The following EEA1 variants were observed in gnomAD, a reference collection of about 807,000 sequenced individuals.
EEA1 encodes early endosome antigen 1, 162kD.
In EEA1, 111 loss-of-function variants were observed where a neutral mutation model predicts 209.2. The observed-to-expected ratio is 0.53, with a 90% CI of 0.45 to 0.62. The LOEUF is 0.62. EEA1 is among the 20% of genes least tolerant of loss of function. EEA1 has a pLI of 0.00. For missense variants in EEA1, 1,343 were observed against 1,530.8 expected, an observed-to-expected ratio of 0.88 and a Z score of 2.05; for synonymous variants, 536 against 540.6, an observed-to-expected ratio of 0.99 and a Z score of 0.12.
In EEA1 at chr12:92,825,853, AATAG is replaced by A. The variant is rs1459465597; in HGVS notation, c.1524+309_1524+312del. 2.7e-5 allele frequency among the ~76,000 whole-genome samples: 4 copies of A among 150,126 alleles called. No individual in the cohort carries two copies. In the South Asian group the frequency reaches 6.3e-4, roughly 23 times the overall value. ...TAAATGTATTTAACTAAACTGATTTAATAGATAAATCTAATAAATTTAAGTAAAT... is the reference window on the plus strand; with the variant it reads ...TAAATGTATTTAACTAAACTGATTTAATAAATCTAATAAATTTAAGTAAAT... On this transcript the variant is annotated intron_variant, in intron 13 of 28. Coordinates refer to ENST00000322349, the MANE Select transcript of EEA1 (RefSeq NM_003566.4).
In EEA1 at chr12:92,816,387, G is replaced by A. The variant is rs779818990; in HGVS notation, c.1742C>T (p.Thr581Ile). Residue 581 changes from threonine (T) to isoleucine (I), a missense_variant, in exon 15 of 29, where the codon ACA (threonine) becomes ATA (isoleucine). Thr to Ile is a moderately conservative substitution (Grantham distance 89). Coordinates refer to ENST00000322349, the MANE Select transcript of EEA1 (RefSeq NM_003566.4). ...TTCTGACTGATTCTTCAGCTTCTCT[G>A]TTAGTTGAGTTACCTGTTATACAAG... ...HTLQEQVTQL[T>I]EKLKNQSESH... is the part of the protein sequence containing the mutation. 6 of 1,613,550 alleles carry A rather than the reference G, an allele frequency of 3.7e-6. No homozygotes were observed. In the African/African-American group the frequency reaches 8.0e-5, roughly 22 times the overall value.
intron 2 of EEA1, among the ~76,000 whole-genome samples, chr12:92,872,047 A>ATTTTTTT (rs56671465): frequency 7.5e-6 from 1 of 132,594 alleles, no homozygotes; most frequent in Admixed American, 8.0e-5. Flanking sequence ...GGCCCAGCTA[A>ATTTTTTT]TTTTTTTTTT....
chr12:92,793,883 T>C (rs1373659149), intron 21 of EEA1, among the ~76,000 whole-genome samples: 1 of 151,664 alleles, frequency 6.6e-6, no homozygotes, highest in African/African-American at 2.4e-5. Flanking sequence ...ACAAATGGGA[T>C]CTAATTAAAC....
At chr12:92,854,401 T>C (rs140960223) in intron 5 of EEA1, among the ~76,000 whole-genome samples, 390 of 152,310 alleles carry the variant, frequency 2.6e-3, no homozygotes, top group Non-Finnish European at 4.4e-3. Context: ...TCATAAGAAC[T>C]TGGAGTGTTA....
chr12:92,875,516 A>G (rs1878844758), intron 2 of EEA1, among the ~76,000 whole-genome samples: 1 of 152,120 alleles, frequency 6.6e-6, no homozygotes. Flanking sequence ...CCAGAATCTC[A>G]GCACCTCTAC....
intron 1 of EEA1, among the ~76,000 whole-genome samples, chr12:92,914,404 G>A (rs1415732118): frequency 6.6e-6 from 1 of 152,124 alleles, no homozygotes; most frequent in Non-Finnish European, 1.5e-5. Flanking sequence ...GTGAAGTCAG[G>A]TAATCTGATG....
intron 2 of EEA1, among the ~76,000 whole-genome samples, chr12:92,866,610 G>A (rs768348749): frequency 6.6e-6 from 1 of 151,400 alleles, no homozygotes; most frequent in Non-Finnish European, 1.5e-5. Context: ...CTCCTCTTCT[G>A]ACTCAGCATT....
chr12:92,871,643 G>C (rs1450478413), intron 2 of EEA1, among the ~76,000 whole-genome samples: 1 of 152,118 alleles, frequency 6.6e-6, no homozygotes, highest in African/African-American at 2.4e-5. Flanking sequence ...TCTGGTATAC[G>C]TAAGGAAAAT....
chr12:92,828,007 G>A lies in EEA1; in HGVS notation c.1309C>T (p.Leu437=), dbSNP rs1273489672. The A allele has an allele frequency of 1.3e-6, 2 of 1,597,116 alleles. No homozygotes were observed. The highest frequency in any genetic ancestry group is 4.6e-5 in the East Asian group (2 of 43,502). Residue 437 remains leucine (L), a synonymous_variant, in exon 12 of 29, where the codon CTG becomes TTG. Transcript: ENST00000322349. ...CTTGAAAGCTGTCTCTGTTCCTTCA[G>A]CCTACCATGAGCTTCCCCTAGTTGG... ...ERQLGEAHGR[L]KEQRQLSSEK... is the part of the protein sequence containing the mutation.
intron 1 of EEA1, among the ~76,000 whole-genome samples, chr12:92,909,884 TGTAATCCCAGCAC>T (rs1880514005): frequency 6.6e-6 from 1 of 152,144 alleles, no homozygotes. Flanking sequence ...GGCTCACGCC[TGTAATCCCAGCAC>T]TTTGGGAGAC....
At chr12:92,858,941 A>G (rs4760500) in intron 3 of EEA1, 182,685 of 698,500 alleles carry the variant, frequency 0.26, 27,524 homozygotes, top group Non-Finnish European at 0.32. Flanking sequence ...CTTTGAGGAA[A>G]GGATTATACT....
chr12:92,879,366 G>A, intron 2 of EEA1: 1 of 452,420 alleles, frequency 2.2e-6, no homozygotes, highest in Non-Finnish European at 4.4e-6. Context: ...TGCTCCACCT[G>A]TATTAAAATA....
intron 9 of EEA1, among the ~76,000 whole-genome samples, chr12:92,845,509 G>T (rs569400113): frequency 6.6e-6 from 1 of 152,240 alleles, no homozygotes; most frequent in Non-Finnish European, 1.5e-5. Context: ...GGCCAAGATT[G>T]TATGTGCCTT....
intron 2 of EEA1, among the ~76,000 whole-genome samples, chr12:92,879,946 C>T (rs1342403479): frequency 1.3e-5 from 2 of 152,208 alleles, no homozygotes; most frequent in Non-Finnish European, 2.9e-5. Context: ...AGCCCACAGA[C>T]TTATCCAAAC....
intron 21 of EEA1, among the ~76,000 whole-genome samples, chr12:92,797,104 T>C (rs1874686780): frequency 6.6e-6 from 1 of 152,232 alleles, no homozygotes; most frequent in Non-Finnish European, 1.5e-5. Flanking sequence ...TTTTGCTTTT[T>C]TGAGATGGAG....
chr12:92,915,391 C>G (rs1352261626), intron 1 of EEA1, among the ~76,000 whole-genome samples: 1 of 152,136 alleles, frequency 6.6e-6, no homozygotes, highest in Non-Finnish European at 1.5e-5. Context: ...CTGCTTAAGC[C>G]TGGAAAGGCT....
intron 1 of EEA1, among the ~76,000 whole-genome samples, chr12:92,922,724 G>C (rs377440239): frequency 6.7e-6 from 1 of 149,592 alleles, no homozygotes; most frequent in East Asian, 2.0e-4. Context: ...AAGCCGAGGC[G>C]GGCGGATCGC....
At chr12:92,894,262 G>C (rs1879776378) in intron 1 of EEA1, among the ~76,000 whole-genome samples, 1 of 151,950 alleles carries the variant, frequency 6.6e-6, no homozygotes, top group African/African-American at 2.4e-5. Flanking sequence ...TTCTCCTTGA[G>C]CCTCCCTATT....
chr12:92,865,437 CAG>C (rs1878340187), intron 2 of EEA1, among the ~76,000 whole-genome samples: 1 of 151,062 alleles, frequency 6.6e-6, no homozygotes, highest in Non-Finnish European at 1.5e-5. Context: ...ATAATCACCA[CAG>C]AGTTTGGATA....
Sources: allele counts gnomAD v4.1 joint callset (sites outside exome capture counted in the v4.1 genomes callset), GRCh38; gene constraint gnomAD v4.1.1; transcripts MANE v1.5; gene names NCBI Gene and HGNC (gene_info 2026-07-23, HGNC 2026-07-21).